GRM5: variants seen among roughly 807,000 people sequenced by gnomAD.
GRM5 encodes the protein metabotropic glutamate receptor 5.
In GRM5, 19 loss-of-function variants were observed where a neutral mutation model predicts 83.1. That is an observed-to-expected ratio of 0.23 (90% CI 0.16 to 0.34). The LOEUF (loss-of-function observed/expected upper bound fraction) is 0.34. Ranked by LOEUF, GRM5 falls within the 10% of genes least tolerant of loss-of-function variation. The pLI is 1.00. For synonymous variants in GRM5, 675 were observed against 633.6 expected, an observed-to-expected ratio of 1.07 and a Z score of -0.98; for missense variants, 1,160 against 1,588.3, an observed-to-expected ratio of 0.73 and a Z score of 4.58.
At chr11:88,987,425 GT>G (rs1939765524) in intron 2 of GRM5, among the ~76,000 whole-genome samples, 1 of 151,872 alleles carries the variant, frequency 6.6e-6, no homozygotes, top group Admixed American at 6.6e-5. Flanking sequence ...CGGCAGCGAG[GT>G]TGGGGGAGGG....
intron 2 of GRM5, among the ~76,000 whole-genome samples, chr11:88,979,941 C>G (rs1386979206): frequency 6.6e-6 from 1 of 151,956 alleles, no homozygotes; most frequent in Non-Finnish European, 1.5e-5. Context: ...ATTGGCCTAA[C>G]CAGGGCAAAA....
At chr11:88,903,710 T>C (rs1350090406) in intron 2 of GRM5, among the ~76,000 whole-genome samples, 2 of 152,266 alleles carry the variant, frequency 1.3e-5, no homozygotes, top group East Asian at 1.9e-4. Flanking sequence ...TGCATGAATG[T>C]AGAATGTGTA....
intron 2 of GRM5, among the ~76,000 whole-genome samples, chr11:88,858,924 G>A (rs906574651): frequency 4.3e-4 from 66 of 152,124 alleles, no homozygotes; most frequent in African/African-American, 1.5e-3. Flanking sequence ...AAAAGTGTAG[G>A]AAGTGAAGGA....
chr11:88,780,548 T>G (rs1942954177), intron 3 of GRM5, among the ~76,000 whole-genome samples: 1 of 152,092 alleles, frequency 6.6e-6, no homozygotes, highest in East Asian at 1.9e-4. Flanking sequence ...CTTCAGAGCT[T>G]TACAGATAAA....
At chr11:88,598,112 C>T (rs893051281) in intron 5 of GRM5, among the ~76,000 whole-genome samples, 3 of 152,050 alleles carry the variant, frequency 2.0e-5, no homozygotes, top group Non-Finnish European at 4.4e-5. Flanking sequence ...AGCAATATCA[C>T]CATTATCTCA....
At chr11:88,777,620 T>G (rs1942884539) in intron 3 of GRM5, among the ~76,000 whole-genome samples, 1 of 152,198 alleles carries the variant, frequency 6.6e-6, no homozygotes, top group Admixed American at 6.5e-5. Flanking sequence ...TGGGGTTTGG[T>G]GTAGATTACC....
At chr11:88,988,659 C>A (rs1170531015) in intron 2 of GRM5, among the ~76,000 whole-genome samples, 1 of 151,624 alleles carries the variant, frequency 6.6e-6, no homozygotes, top group Non-Finnish European at 1.5e-5. Flanking sequence ...AACAGCGGAT[C>A]TCTCGGCAGA....
chr11:88,812,422 T>A (rs1213650333), intron 3 of GRM5, among the ~76,000 whole-genome samples: 1 of 152,150 alleles, frequency 6.6e-6, no homozygotes, highest in African/African-American at 2.4e-5. Flanking sequence ...ATCATAGAGA[T>A]AAAGCAATTA....
At chr11:88,532,270 A>T (rs1160623991) in intron 8 of GRM5, among the ~76,000 whole-genome samples, 1 of 152,116 alleles carries the variant, frequency 6.6e-6, no homozygotes, top group Admixed American at 6.6e-5. Flanking sequence ...GCAAATTTAA[A>T]TTCTCTCTTT....
chr11:88,507,458 G>T lies in GRM5; in HGVS notation c.*1134C>A, dbSNP rs1451808669. On this transcript the variant is annotated 3_prime_UTR_variant, in exon 10 of 10. Transcript: ENST00000305447. Reference sequence around the variant, plus strand: ...ACTTGACACAGTTAAAATTTTCAGTGTATTAAGATTGTGTTAATCCTTTCA... The same window carrying T: ...ACTTGACACAGTTAAAATTTTCAGTTTATTAAGATTGTGTTAATCCTTTCA... The T allele has an allele frequency of 2.6e-5, 4 of 152,270 alleles. No homozygotes were observed. The South Asian group carries it at 8.3e-4, about 32-fold the overall frequency. The allele number at this position is 152,270 out of a possible 1,614,324, so 9.4% of individuals were successfully genotyped here.
At chr11:88,736,077 C>T (rs1359304642) in intron 3 of GRM5, among the ~76,000 whole-genome samples, 1 of 151,942 alleles carries the variant, frequency 6.6e-6, no homozygotes, top group Non-Finnish European at 1.5e-5. Context: ...TGTGGTCAAC[C>T]TATTTATGTC....
chr11:88,815,972 G>A (rs889127513), intron 3 of GRM5, among the ~76,000 whole-genome samples: 2 of 151,090 alleles, frequency 1.3e-5, no homozygotes, highest in Non-Finnish European at 2.9e-5. Flanking sequence ...CCAGCACTTT[G>A]GGAGGCCGAG....
intron 3 of GRM5, among the ~76,000 whole-genome samples, chr11:88,779,575 T>C (rs1483728587): frequency 6.6e-6 from 1 of 152,090 alleles, no homozygotes; most frequent in East Asian, 1.9e-4. Flanking sequence ...GGAAATGACA[T>C]CAAAGTTTTC....
At chr11:88,814,198 A>G (rs1943631746) in intron 3 of GRM5, among the ~76,000 whole-genome samples, 1 of 152,220 alleles carries the variant, frequency 6.6e-6, no homozygotes, top group Non-Finnish European at 1.5e-5. Flanking sequence ...CTGAGAAATG[A>G]GAAACAAACA....
chr11:88,621,026 C>T (rs1365230199), intron 4 of GRM5, among the ~76,000 whole-genome samples: 1 of 152,174 alleles, frequency 6.6e-6, no homozygotes, highest in African/African-American at 2.4e-5. Context: ...TGGCAGCCCT[C>T]TGATGGATAT....
chr11:88,563,394 A>G lies in GRM5; in HGVS notation c.2630+3659T>C, dbSNP rs144295860. ...TTGGAGACATAGTTACCATAATCTTAGATATTATTATAGTCTTCATTTTGA... is the reference window on the plus strand; with the variant it reads ...TTGGAGACATAGTTACCATAATCTTGGATATTATTATAGTCTTCATTTTGA... On this transcript the variant is annotated intron_variant, in intron 8 of 9. Coordinates refer to ENST00000305447, the MANE Select transcript of GRM5 (RefSeq NM_001143831.3). Among the ~76,000 whole-genome samples, 773 of 152,226 alleles carry G rather than the reference A, an allele frequency of 5.1e-3. 9 individuals are homozygous for G. Among genetic ancestry groups the G allele is most frequent in the African/African-American group, 0.018 (736 of 41,540 alleles).
chr11:89,016,033 G>T (rs563159399), intron 2 of GRM5, among the ~76,000 whole-genome samples: 1 of 151,992 alleles, frequency 6.6e-6, no homozygotes, highest in Non-Finnish European at 1.5e-5. Context: ...TCAAAACCCA[G>T]TTGGAAGGAA....
At chr11:88,937,711 G>C (rs1194600840) in intron 2 of GRM5, among the ~76,000 whole-genome samples, 3 of 151,494 alleles carry the variant, frequency 2.0e-5, no homozygotes, top group Non-Finnish European at 4.4e-5. Context: ...TTATTTTATA[G>C]ACAAATTTTA....
intron 2 of GRM5, among the ~76,000 whole-genome samples, chr11:88,955,081 G>T (rs1396592401): frequency 6.6e-6 from 1 of 152,042 alleles, no homozygotes; most frequent in Non-Finnish European, 1.5e-5. Context: ...TCCCCCATTG[G>T]CATTAATAGT....
Sources: allele counts gnomAD v4.1 joint callset (sites outside exome capture counted in the v4.1 genomes callset), GRCh38; gene constraint gnomAD v4.1.1; transcripts MANE v1.5; gene names NCBI Gene and HGNC (gene_info 2026-07-23, HGNC 2026-07-21).